HM13: variants seen among roughly 807,000 people sequenced by gnomAD.
HM13 encodes the protein histocompatibility minor 13.
In HM13, 18 loss-of-function variants were observed where a neutral mutation model predicts 50.0. That is an observed-to-expected ratio of 0.36 (90% CI 0.25 to 0.53). The LOEUF (loss-of-function observed/expected upper bound fraction) is 0.53. Among genes scored for constraint, HM13 ranks in the 20% least tolerant of loss-of-function variants. The probability of loss-of-function intolerance (pLI) is 0.90; values close to 1 mark genes in which losing one functional copy is unlikely to be tolerated. For synonymous variants in HM13, 197 were observed against 232.6 expected (o/e 0.85, Z 1.39); for missense variants, 393 against 552.4 (o/e 0.71, Z 2.89).
At chr20:31,562,039 G>T (rs1280657450) in intron 10 of HM13, among the ~76,000 whole-genome samples, 1 of 152,230 alleles carries the variant, frequency 6.6e-6, no homozygotes, top group African/African-American at 2.4e-5. Flanking sequence ...CCAGACTGGG[G>T]TCCTAAAGCC....
At chr20:31,542,513 T>C (rs548248381) in intron 3 of HM13, among the ~76,000 whole-genome samples, 1 of 152,186 alleles carries the variant, frequency 6.6e-6, no homozygotes, top group African/African-American at 2.4e-5. Context: ...AGGAAGAATC[T>C]CTGCCTGCTA....
chr20:31,541,810 A>G (rs1412640643), intron 3 of HM13: 1 of 152,236 alleles, frequency 6.6e-6, no homozygotes, highest in African/African-American at 2.4e-5. Flanking sequence ...GTATCCACAA[A>G]CTTAGACCTT....
chr20:31,527,151 A>T (rs1477337344), intron 1 of HM13, among the ~76,000 whole-genome samples: 2 of 152,192 alleles, frequency 1.3e-5, no homozygotes, highest in Non-Finnish European at 2.9e-5. Flanking sequence ...CAGCCTAGCC[A>T]ACATGGTAAA....
At chr20:31,560,442 C>G (rs1984540360) in intron 9 of HM13, among the ~76,000 whole-genome samples, 1 of 152,234 alleles carries the variant, frequency 6.6e-6, no homozygotes, top group East Asian at 1.9e-4. Flanking sequence ...TCATTGAAAT[C>G]CAGTTTCCAT....
At position 31,561,660 on chromosome 20, in the gene HM13, T is replaced by C; in HGVS notation, c.872T>C (p.Phe291Ser). Residue 291 changes from phenylalanine to serine, a missense_variant, in exon 10 of 13, where the codon TTC (phenylalanine) becomes TCC (serine). Physicochemically the swap from Phe to Ser is radical, Grantham distance 155 (BLOSUM62 -2). Coordinates refer to ENST00000398174, the MANE Select transcript of HM13 (RefSeq NM_178581.3). ...TTGAAGAAGAATACCCACACCTACT[T>C]CTACACCAGCTTTGCAGCCTACATC... ...ISLKKNTHTY[F>S]YTSFAAYIFG... 1 of 1,613,700 alleles carries C rather than the reference T, an allele frequency of 6.2e-7. No individual in the cohort carries two copies. The highest frequency in any genetic ancestry group is 1.3e-5 in the African/African-American group (1 of 75,040).
chr20:31,549,936 C>A, intron 6 of HM13, 128 bp from the exon 7 acceptor site: 1 of 739,656 alleles, frequency 1.4e-6, no homozygotes, highest in South Asian at 1.5e-5. Context: ...AGCTTCAGAT[C>A]TGCACTGGAG....
chr20:31,556,074 C>G (rs911438425), intron 8 of HM13, among the ~76,000 whole-genome samples: 1 of 150,918 alleles, frequency 6.6e-6, no homozygotes. Flanking sequence ...TGCTCTTGCC[C>G]AGGCTGGAGT....
At chr20:31,550,328 G>A in intron 7 of HM13, 1 of 568,818 alleles carries the variant, frequency 1.8e-6, no homozygotes, top group East Asian at 2.9e-5. Flanking sequence ...ACTTGGTCGT[G>A]GTGCAGCATG....
At chr20:31,555,567 C>G (rs555230738) in intron 8 of HM13, among the ~76,000 whole-genome samples, 6 of 152,278 alleles carry the variant, frequency 3.9e-5, no homozygotes, top group African/African-American at 1.2e-4. Context: ...GCTGAAGTGG[C>G]TGAGGCTCGG....
chr20:31,530,514 G>A (rs1055088693), intron 2 of HM13, among the ~76,000 whole-genome samples: 5 of 151,710 alleles, frequency 3.3e-5, no homozygotes, highest in South Asian at 2.1e-4. Flanking sequence ...TAGTTCAAGC[G>A]ATTCTCCTGC....
intron 12 of HM13, 29 bp downstream of exon 12, chr20:31,568,253 G>A (rs767841959): frequency 4.4e-5 from 70 of 1,606,442 alleles, no homozygotes; most frequent in East Asian, 1.1e-4. Context: ...CCACCTGCCC[G>A]CTTCCCCCTA....
At chr20:31,550,152 T>G (rs763636868) in intron 7 of HM13, 31 bp downstream of exon 7, 2 of 1,578,254 alleles carry the variant, frequency 1.3e-6, no homozygotes, top group Admixed American at 1.7e-5. Flanking sequence ...AGGGAACCCC[T>G]TCCCCCACCC....
rs749623885 is a variant in HM13, at chr20:31,566,206, A to G, written c.949-4A>G. The G allele has an allele frequency of 2.5e-6, 4 of 1,613,218 alleles. No individual in the cohort carries two copies. Among genetic ancestry groups the G allele is most frequent in the South Asian group, 2.2e-5 (2 of 91,044 alleles). ...TGGCTTCACCAGCCTGTGTCCTCTCATAGCCTGCCCTCCTATACCTGGTCC... is the reference window on the plus strand; with the variant it reads ...TGGCTTCACCAGCCTGTGTCCTCTCGTAGCCTGCCCTCCTATACCTGGTCC... On this transcript the variant is annotated splice_polypyrimidine_tract_variant and splice_region_variant and intron_variant, in intron 10 of 12. Transcript: ENST00000398174.
rs1362496889 is a variant in HM13 at position 31,514,665 on chromosome 20, C to T, written c.114C>T (p.Ser38=). The T allele has an allele frequency of 6.4e-7, 1 of 1,563,646 alleles. No individual in the cohort carries two copies. Among genetic ancestry groups the T allele is most frequent in the East Asian group, 2.4e-5 (1 of 42,240 alleles). Residue 38 remains serine (S), a synonymous_variant, in exon 1 of 13, where the codon AGC becomes AGT. Coordinates refer to ENST00000398174, the MANE Select transcript of HM13 (RefSeq NM_178581.3). The surrounding 1 kb of genome is among the most constrained non-coding windows in gnomAD (Gnocchi z 4.3). ...TPEGIALAYG[S]LLLMALLPIF... is the part of the protein sequence containing the mutation. ...AGGGCATCGCGCTGGCCTACGGCAG[C>T]CTCCTGCTCATGGCGCTGCTGCCCA...
intron 8 of HM13, among the ~76,000 whole-genome samples, chr20:31,556,101 G>A (rs1421079009): frequency 2.0e-5 from 3 of 148,850 alleles, no homozygotes; most frequent in African/African-American, 7.5e-5. Flanking sequence ...ACGCGATCTC[G>A]GCTCACTGCA....
At chr20:31,521,474 C>T (rs1158656731) in intron 1 of HM13, among the ~76,000 whole-genome samples, 2 of 152,074 alleles carry the variant, frequency 1.3e-5, no homozygotes, top group Non-Finnish European at 2.9e-5. Context: ...GCCTGTAATC[C>T]CAGCACTTCG....
intron 11 of HM13, among the ~76,000 whole-genome samples, chr20:31,566,684 G>T (rs1210989543): frequency 6.6e-6 from 1 of 152,124 alleles, no homozygotes; most frequent in Non-Finnish European, 1.5e-5. Flanking sequence ...AGAACAGGGG[G>T]CGTGTGGGAT....
chr20:31,545,460 C>T (rs1983661320), intron 4 of HM13, among the ~76,000 whole-genome samples: 1 of 152,092 alleles, frequency 6.6e-6, no homozygotes, highest in Admixed American at 6.5e-5. Context: ...GGTTCCACAG[C>T]TCTTTTTTCA....
intron 12 of HM13, 59 bp downstream of exon 12, chr20:31,568,283 A>C (rs1254225806): frequency 5.0e-6 from 8 of 1,588,246 alleles, no homozygotes; most frequent in Non-Finnish European, 3.4e-6. Context: ...GGCCCAAGGT[A>C]GGGCAGACAC....
Sources: gnomAD v4.1 joint callset for allele counts (sites outside exome capture counted in the v4.1 genomes callset) on GRCh38, gnomAD v4.1.1 for gene constraint, Gnocchi (gnomAD v3.1) non-coding constraint, MANE v1.5 for transcripts, NCBI Gene and HGNC (gene_info 2026-07-23, HGNC 2026-07-21) for gene names.